Variants in GLRA3 observed in about 807,000 individuals in gnomAD.
The protein encoded by GLRA3 is glycine receptor alpha 3.
Under a neutral mutation model 60.4 loss-of-function variants are expected in GLRA3, and 44 were observed. That is an observed-to-expected ratio of 0.73 (90% CI 0.57 to 0.94). The LOEUF is 0.94. GLRA3 is among the 40% of genes least tolerant of loss of function. The pLI is 0.00. For synonymous variants in GLRA3, 223 were observed against 192.9 expected (o/e 1.16, Z -1.29); for missense variants, 508 against 564.6 (o/e 0.90, Z 1.02).
At chr4:174,688,063 G>T (rs925130719) in intron 5 of GLRA3, among the ~76,000 whole-genome samples, 1 of 151,474 alleles carries the variant, frequency 6.6e-6, no homozygotes, top group African/African-American at 2.4e-5. Flanking sequence ...ATAAGTCAGA[G>T]GTAACACTTC....
At chr4:174,649,621 G>A (rs188438906) in intron 9 of GLRA3, among the ~76,000 whole-genome samples, 82 of 152,248 alleles carry the variant, frequency 5.4e-4, no homozygotes, top group Middle Eastern at 3.4e-3. Context: ...AGAATAGCCT[G>A]TCTGGCCTAC....
At chr4:174,805,895 C>T (rs1270124224) in intron 1 of GLRA3, among the ~76,000 whole-genome samples, 3 of 152,102 alleles carry the variant, frequency 2.0e-5, no homozygotes, top group Non-Finnish European at 4.4e-5. Context: ...TTCAACTCTT[C>T]AAACTTTTGT....
In GLRA3 at chr4:174,646,605, T is replaced by C. The variant is rs575736176; in HGVS notation, c.1117-2541A>G. Among the ~76,000 whole-genome samples, 16 of 152,238 alleles carry C rather than the reference T, an allele frequency of 1.1e-4. No homozygotes were observed. In the South Asian group the frequency reaches 3.1e-3, roughly 30 times the overall value. On this transcript the variant is annotated intron_variant, in intron 9 of 9. Transcript: ENST00000274093. ...TTGGAACAAAGGCTGTGATTCCCTG[T>C]GTGAAGGCAATCATAAACACCCTGA...
chr4:174,790,825 C>CAAAAAAAA (rs751090125), intron 1 of GLRA3, among the ~76,000 whole-genome samples: 18 of 65,078 alleles, frequency 2.8e-4, no homozygotes, highest in African/African-American at 5.7e-4. Flanking sequence ...CTAAAAAATA[C>CAAAAAAAA]AAAAAAAAAA....
chr4:174,801,615 C>T (rs766887656), intron 1 of GLRA3, among the ~76,000 whole-genome samples: 3 of 152,058 alleles, frequency 2.0e-5, no homozygotes, highest in Non-Finnish European at 4.4e-5. Context: ...ATCCTGTTGG[C>T]CTTACCATCT....
chr4:174,755,694 A>T (rs1015759882), intron 3 of GLRA3, among the ~76,000 whole-genome samples: 1 of 152,136 alleles, frequency 6.6e-6, no homozygotes, highest in Non-Finnish European at 1.5e-5. Context: ...AGAAATATAA[A>T]GAGATATTAT....
chr4:174,687,731 T>C (rs370272205), intron 5 of GLRA3, among the ~76,000 whole-genome samples: 6 of 152,208 alleles, frequency 3.9e-5, no homozygotes, highest in African/African-American at 1.4e-4. Context: ...ATGGGCTTGA[T>C]GGTGACATCC....
intron 3 of GLRA3, among the ~76,000 whole-genome samples, chr4:174,749,963 G>C (rs980108258): frequency 6.6e-6 from 1 of 152,004 alleles, no homozygotes; most frequent in Non-Finnish European, 1.5e-5. Context: ...AAAATCTAAG[G>C]CTCTTGTGTT....
At chr4:174,789,612 GT>G (rs973194182) in intron 1 of GLRA3, among the ~76,000 whole-genome samples, 18 of 152,194 alleles carry the variant, frequency 1.2e-4, no homozygotes, top group Admixed American at 1.0e-3. Flanking sequence ...AGGAAAGGTA[GT>G]GTGTTCCTAT....
At chr4:174,764,887 T>C (rs1447692050) in intron 3 of GLRA3, among the ~76,000 whole-genome samples, 1 of 152,044 alleles carries the variant, frequency 6.6e-6, no homozygotes, top group African/African-American at 2.4e-5. Flanking sequence ...ATCTGATCAT[T>C]TTAATGGAAA....
At chr4:174,754,975 A>G (rs1737634255) in intron 3 of GLRA3, among the ~76,000 whole-genome samples, 2 of 152,112 alleles carry the variant, frequency 1.3e-5, no homozygotes, top group Admixed American at 6.5e-5. Flanking sequence ...ATTACACTGA[A>G]AGATTTGAAT....
intron 1 of GLRA3, among the ~76,000 whole-genome samples, chr4:174,790,925 A>C (rs1739320419): frequency 6.7e-6 from 1 of 150,004 alleles, no homozygotes; most frequent in Non-Finnish European, 1.5e-5. Flanking sequence ...AATGGCGTGA[A>C]CCTGGGAGGT....
chr4:174,684,813 G>T (rs1269914081), intron 5 of GLRA3, among the ~76,000 whole-genome samples: 1 of 152,202 alleles, frequency 6.6e-6, no homozygotes, highest in Non-Finnish European at 1.5e-5. Flanking sequence ...TTTGAGACCA[G>T]CCTGGCCAAC....
chr4:174,675,174 T>G (rs71611791), intron 7 of GLRA3, among the ~76,000 whole-genome samples: 27,897 of 152,078 alleles, frequency 0.18, 2,789 homozygotes, highest in East Asian at 0.39. Flanking sequence ...TGTCATTGTC[T>G]CTATGATCAG....
At chr4:174,732,680 A>G (rs2111145876) in intron 3 of GLRA3, among the ~76,000 whole-genome samples, 1 of 152,222 alleles carries the variant, frequency 6.6e-6, no homozygotes, top group East Asian at 1.9e-4. Flanking sequence ...TTACAAATGT[A>G]AAACAGTAAA....
chr4:174,819,587 A>G (rs1040330607), intron 1 of GLRA3, among the ~76,000 whole-genome samples: 1 of 152,188 alleles, frequency 6.6e-6, no homozygotes, highest in African/African-American at 2.4e-5. Flanking sequence ...TTCCAGAAAA[A>G]AATGTTTTTT....
intron 4 of GLRA3, among the ~76,000 whole-genome samples, chr4:174,716,874 T>C (rs924036151): frequency 2.0e-5 from 3 of 152,114 alleles, no homozygotes; most frequent in Admixed American, 6.5e-5. Flanking sequence ...TTCTATAGTG[T>C]GGGCACAAAG....
At chr4:174,805,613 T>A (rs1740016142) in intron 1 of GLRA3, among the ~76,000 whole-genome samples, 1 of 152,128 alleles carries the variant, frequency 6.6e-6, no homozygotes, top group South Asian at 2.1e-4. Flanking sequence ...GGACACCTAC[T>A]TAAGCAGCTC....
At chr4:174,815,761 G>T (rs1016472144) in intron 1 of GLRA3, among the ~76,000 whole-genome samples, 2 of 152,168 alleles carry the variant, frequency 1.3e-5, no homozygotes, top group African/African-American at 4.8e-5. Context: ...ATCCTGGGCT[G>T]AACCACAAAA....
Sources: gnomAD v4.1 joint callset for allele counts (sites outside exome capture counted in the v4.1 genomes callset) on GRCh38, gnomAD v4.1.1 for gene constraint, MANE v1.5 for transcripts, NCBI Gene and HGNC (gene_info 2026-07-23, HGNC 2026-07-21) for gene names.